The following CRPPA variants were observed in gnomAD, a reference collection of about 807,000 sequenced individuals.
The protein encoded by CRPPA is D-ribitol-5-phosphate cytidylyltransferase.
A neutral mutation model predicts 52.0 loss-of-function variants in CRPPA; 43 were observed. The ratio of observed to expected loss-of-function variants is 0.83; its 90% confidence interval spans 0.65 to 1.07. CRPPA has a LOEUF of 1.07. Among genes scored for constraint, CRPPA ranks in the 50% least tolerant of loss-of-function variants. The pLI is 0.00. For missense variants in CRPPA, 629 were observed against 551.7 expected (o/e 1.14, Z -1.40); for synonymous variants, 250 against 203.5 (o/e 1.23, Z -1.94).
intron 1 of CRPPA, 102 bp downstream of exon 1, chr7:16,420,964 G>C (rs1788317977): frequency 9.6e-7 from 1 of 1,045,390 alleles, no homozygotes; most frequent in African/African-American, 1.7e-5. Flanking sequence ...AGCGCGGCCC[G>C]GCAGTCCCCC....
At chr7:16,250,854 G>A (rs1783429561) in intron 8 of CRPPA, among the ~76,000 whole-genome samples, 1 of 152,086 alleles carries the variant, frequency 6.6e-6, no homozygotes. Flanking sequence ...CATAACGATA[G>A]GATCAAATTC....
At chr7:16,169,640 C>T (rs1039296507) in intron 9 of CRPPA, among the ~76,000 whole-genome samples, 4 of 152,238 alleles carry the variant, frequency 2.6e-5, no homozygotes, top group African/African-American at 7.2e-5. Flanking sequence ...AGCTAACTCA[C>T]AGCGTGAGTC....
chr7:16,143,297 T>G (rs946745961), intron 9 of CRPPA, among the ~76,000 whole-genome samples: 2 of 152,144 alleles, frequency 1.3e-5, no homozygotes, highest in Admixed American at 1.3e-4. Context: ...TTTCCACCAT[T>G]CAGGAAAGGT....
chr7:16,329,283 C>G (rs905345736), intron 3 of CRPPA, among the ~76,000 whole-genome samples: 8 of 152,128 alleles, frequency 5.3e-5, no homozygotes, highest in Non-Finnish European at 1.0e-4. Context: ...TCTACCTGTG[C>G]CTGACAAATG....
chr7:16,346,011 C>T (rs1208889566), intron 3 of CRPPA, among the ~76,000 whole-genome samples: 1 of 152,126 alleles, frequency 6.6e-6, no homozygotes, highest in African/African-American at 2.4e-5. Context: ...TTAGTAAACG[C>T]CTGTAATAAA....
intron 9 of CRPPA, among the ~76,000 whole-genome samples, chr7:16,130,115 G>A (rs1421710773): frequency 6.6e-6 from 1 of 152,170 alleles, no homozygotes; most frequent in Non-Finnish European, 1.5e-5. Flanking sequence ...CTTGATAGGA[G>A]TTATGTGTAA....
chr7:16,372,921 T>C (rs1230254466), intron 3 of CRPPA, among the ~76,000 whole-genome samples: 1 of 152,216 alleles, frequency 6.6e-6, no homozygotes, highest in Non-Finnish European at 1.5e-5. Context: ...GGATACATGA[T>C]AGATGCTGCT....
chr7:16,243,369 G>A (rs1783180147), intron 8 of CRPPA, among the ~76,000 whole-genome samples: 1 of 152,084 alleles, frequency 6.6e-6, no homozygotes, highest in Non-Finnish European at 1.5e-5. Context: ...TGTGAAAACA[G>A]ACTAACAGAT....
chr7:16,252,493 A>G (rs1378707396), intron 8 of CRPPA, among the ~76,000 whole-genome samples: 1 of 152,084 alleles, frequency 6.6e-6, no homozygotes, highest in Non-Finnish European at 1.5e-5. Context: ...AAACTAGCAC[A>G]AGACTCAGTT....
chr7:16,314,635 A>C (rs1785104812), intron 3 of CRPPA, among the ~76,000 whole-genome samples: 1 of 152,058 alleles, frequency 6.6e-6, no homozygotes, highest in Non-Finnish European at 1.5e-5. Context: ...TTGTCTGCTA[A>C]AGTCCATTCC....
At chr7:16,153,377 T>G (rs150446449) in intron 9 of CRPPA, among the ~76,000 whole-genome samples, 1 of 152,016 alleles carries the variant, frequency 6.6e-6, no homozygotes, top group African/African-American at 2.4e-5. Context: ...TTTCTAAAAG[T>G]TTTTTTAAAA....
intron 9 of CRPPA, among the ~76,000 whole-genome samples, chr7:16,214,958 C>T (rs955040166): frequency 6.6e-6 from 1 of 152,130 alleles, no homozygotes; most frequent in African/African-American, 2.4e-5. Context: ...CATTATCCTA[C>T]GTGAACTAAA....
chr7:16,236,945 C>CGT (rs1782967865), intron 8 of CRPPA, among the ~76,000 whole-genome samples: 2 of 143,432 alleles, frequency 1.4e-5, no homozygotes, highest in Admixed American at 6.9e-5. Flanking sequence ...AGCTTTCGTG[C>CGT]GCGCGCACAC....
At chr7:16,397,524 T>C (rs1363944751) in intron 2 of CRPPA, among the ~76,000 whole-genome samples, 1 of 151,180 alleles carries the variant, frequency 6.6e-6, no homozygotes, top group Non-Finnish European at 1.5e-5. Flanking sequence ...ACATGTGACA[T>C]GATCAACACA....
intron 2 of CRPPA, among the ~76,000 whole-genome samples, chr7:16,387,010 T>C (rs1193531992): frequency 7.0e-6 from 1 of 143,446 alleles, no homozygotes; most frequent in African/African-American, 2.6e-5. Context: ...ATAGAGACTA[T>C]CTCAAAAATA....
intron 2 of CRPPA, 112 bp from the exon 3 acceptor site, chr7:16,376,353 C>T (rs1786885708): frequency 1.9e-6 from 2 of 1,075,590 alleles, no homozygotes; most frequent in South Asian, 3.7e-5. Context: ...CAACAAGCTA[C>T]CTTAAGAAAA....
chr7:16,307,017 G>A (rs1382735578), intron 4 of CRPPA, among the ~76,000 whole-genome samples: 1 of 152,096 alleles, frequency 6.6e-6, no homozygotes, highest in Non-Finnish European at 1.5e-5. Flanking sequence ...AGCATGCAGT[G>A]AGGCTGATCA....
intron 6 of CRPPA, chr7:16,266,416 A>C (rs1013940381): frequency 7.9e-5 from 12 of 152,084 alleles, no homozygotes; most frequent in Non-Finnish European, 1.6e-4. Flanking sequence ...GAAAATGACA[A>C]GCTCTAAATT....
chr7:16,169,740 T>A (rs1781139817), intron 9 of CRPPA, among the ~76,000 whole-genome samples: 1 of 152,154 alleles, frequency 6.6e-6, no homozygotes. Flanking sequence ...ATCGACTATA[T>A]CAGGAAAGAA....
Sources: allele counts gnomAD v4.1 joint callset (sites outside exome capture counted in the v4.1 genomes callset), GRCh38; gene constraint gnomAD v4.1.1; transcripts MANE v1.5; gene names NCBI Gene and HGNC (gene_info 2026-07-23, HGNC 2026-07-21).